The following RNF146 variants were observed in gnomAD, a reference collection of about 807,000 sequenced individuals.
RNF146 encodes ring finger protein 146, also known as E3 ubiquitin-protein ligase RNF146.
RNF146 carries 11 observed loss-of-function variants against 29.7 expected under a neutral mutation model. The observed-to-expected ratio is 0.37, with a 90% confidence interval of 0.23 to 0.61. The LOEUF (loss-of-function observed/expected upper bound fraction) is 0.61, where lower values mean the gene tolerates loss of function less well. Ranked by LOEUF, RNF146 falls within the 20% of genes least tolerant of loss-of-function variation. RNF146 has a pLI of 0.66. For missense variants in RNF146, 342 were observed against 438.9 expected (o/e 0.78, Z 1.97); for synonymous variants, 150 against 159.7 (o/e 0.94, Z 0.46).
rs557432332 is a variant in RNF146, at chr6:127,282,343, T to C, written c.2+2003T>C. 5.3e-5 allele frequency: 8 copies of C among 151,816 alleles called. No homozygotes were observed. The East Asian group carries it at 1.6e-3, about 30-fold the overall frequency. 9.4% of individuals were successfully genotyped at this position (151,816 alleles called of 1,614,324 possible). A position where few individuals can be genotyped will look rare whatever the true frequency, so the allele number is the denominator to read the frequency against. On this transcript the variant is annotated intron_variant, in intron 2 of 2. Transcript: ENST00000368314. ...CCCTTTTGACTGCTCTCTCTACAGG[T>C]TTAATTTGGGCATTTACTCATTTTC... is the stretch of plus-strand genomic sequence containing the variant.
chr6:127,267,735 T>TG (rs1776865776), intron 1 of RNF146, among the ~76,000 whole-genome samples: 1 of 152,196 alleles, frequency 6.6e-6, no homozygotes, highest in Non-Finnish European at 1.5e-5. Flanking sequence ...AATTAAGAGA[T>TG]CTCAGAATAT....
At chr6:127,278,376 C>T (rs1778511959) in intron 1 of RNF146, among the ~76,000 whole-genome samples, 1 of 152,008 alleles carries the variant, frequency 6.6e-6, no homozygotes, top group South Asian at 2.1e-4. Context: ...CACTTTCCTT[C>T]CTTCACTCTC....
In RNF146 at chr6:127,287,006, A is replaced by G. The variant is rs1469653352; in HGVS notation, c.393A>G (p.Lys131=). 1 of 1,613,352 alleles carries G rather than the reference A, an allele frequency of 6.2e-7. No homozygotes were observed. Among genetic ancestry groups the G allele is most frequent in the Admixed American group, 1.7e-5 (1 of 59,892 alleles). ...TSRELEDAFS[K]GKKNTEMLIA... is the part of the protein sequence containing the mutation. ...GAGAGCTGGAAGATGCTTTTTCCAA[A>G]GGTAAAAAGAACACTGAAATGTTAA... Residue 131 remains lysine (K), a synonymous_variant, in exon 3 of 3, where the codon AAA becomes AAG. Transcript: ENST00000368314.
chr6:127,282,094 G>T (rs986522496), intron 2 of RNF146, among the ~76,000 whole-genome samples: 32 of 151,814 alleles, frequency 2.1e-4, no homozygotes, highest in African/African-American at 7.7e-4. Context: ...GCTATTAAGT[G>T]TGTGGGGTTC....
chr6:127,278,719 G>A (rs1277529897), intron 1 of RNF146, among the ~76,000 whole-genome samples: 1 of 151,916 alleles, frequency 6.6e-6, no homozygotes, highest in East Asian at 1.9e-4. Context: ...TTTTGAGGAA[G>A]CAACAAATTA....
chr6:127,275,675 G>C (rs1778108416), intron 1 of RNF146, among the ~76,000 whole-genome samples: 1 of 152,210 alleles, frequency 6.6e-6, no homozygotes, highest in East Asian at 1.9e-4. Flanking sequence ...GGAGAGAACA[G>C]TTAACTTTCT....
intron 1 of RNF146, among the ~76,000 whole-genome samples, chr6:127,272,030 A>C (rs779455713): frequency 2.6e-5 from 4 of 152,174 alleles, no homozygotes; most frequent in Non-Finnish European, 5.9e-5. Flanking sequence ...ATAATACGTG[A>C]CCTTTTCTGT....
At chr6:127,267,154 T>G (rs1197247475) in intron 1 of RNF146, 2 of 152,334 alleles carry the variant, frequency 1.3e-5, no homozygotes, top group African/African-American at 2.4e-5. Flanking sequence ...AGAGGCGGGA[T>G]GGGACAGTTC....
intron 2 of RNF146, among the ~76,000 whole-genome samples, chr6:127,281,619 A>G (rs559614250): frequency 4.6e-5 from 7 of 151,870 alleles, no homozygotes; most frequent in African/African-American, 1.2e-4. Flanking sequence ...AACACATTTT[A>G]GAGGAGTCAG....
intron 1 of RNF146, among the ~76,000 whole-genome samples, chr6:127,277,485 T>C (rs1778368792): frequency 6.6e-6 from 1 of 151,970 alleles, no homozygotes; most frequent in African/African-American, 2.4e-5. Flanking sequence ...GGGACAGAAC[T>C]AATAGAATAT....
At chr6:127,273,596 A>G (rs1777786745) in intron 1 of RNF146, among the ~76,000 whole-genome samples, 1 of 152,130 alleles carries the variant, frequency 6.6e-6, no homozygotes, top group East Asian at 1.9e-4. Context: ...AAAAAACTGT[A>G]TGTATATAAG....
At chr6:127,285,303 G>A (rs1457602795) in intron 2 of RNF146, 2 of 984,884 alleles carry the variant, frequency 2.0e-6, no homozygotes, top group African/African-American at 3.5e-5. Flanking sequence ...GATTGAATGT[G>A]CTGTGATGAT....
rs1202116438 is a variant in RNF146, at chr6:127,286,964, C to T, written c.351C>T (p.Tyr117=). 23 of 1,613,328 alleles carry T rather than the reference C, an allele frequency of 1.4e-5. No individual in the cohort carries two copies. The East Asian group carries it at 2.5e-4, about 17-fold the overall frequency. ...YYEGRNGWWQ[Y]DERTSRELED... Reference sequence around the variant, plus strand: ...AAGGAAGAAATGGGTGGTGGCAGTACGATGAGCGCACTAGTAGAGAGCTGG... The same window carrying T: ...AAGGAAGAAATGGGTGGTGGCAGTATGATGAGCGCACTAGTAGAGAGCTGG... Residue 117 remains tyrosine (Y), a synonymous_variant, in exon 3 of 3, where the codon TAC becomes TAT. Transcript: ENST00000368314. The surrounding 1 kb of genome is among the most constrained non-coding windows in gnomAD (Gnocchi z 4.6).
intron 1 of RNF146, among the ~76,000 whole-genome samples, chr6:127,271,494 G>A (rs976185980): frequency 7.2e-5 from 11 of 152,162 alleles, no homozygotes; most frequent in African/African-American, 2.4e-4. Context: ...TGAATTCATT[G>A]TCTCTATTAA....
At chr6:127,278,100 A>T (rs765334083) in intron 1 of RNF146, among the ~76,000 whole-genome samples, 3 of 152,010 alleles carry the variant, frequency 2.0e-5, no homozygotes, top group Admixed American at 1.3e-4. Context: ...TTACTGTGAG[A>T]TCTATCATTT....
intron 2 of RNF146, chr6:127,285,064 A>G (rs1024170561): frequency 2.8e-6 from 1 of 352,360 alleles, no homozygotes; most frequent in Non-Finnish European, 4.0e-6. Context: ...TGGTAAAGGA[A>G]TTGATTGGAA....
intron 1 of RNF146, among the ~76,000 whole-genome samples, chr6:127,278,145 AAT>A (rs1459446522): frequency 6.6e-6 from 1 of 152,046 alleles, no homozygotes; most frequent in Non-Finnish European, 1.5e-5. Flanking sequence ...TATTCTGTGT[AAT>A]ATGATGTGCG....
In RNF146 at chr6:127,286,759, G is replaced by T. The variant is rs371714080; in HGVS notation, c.146G>T (p.Ser49Ile). 24 of 1,613,234 alleles carry T rather than the reference G, an allele frequency of 1.5e-5. No individual in the cohort carries two copies. The highest frequency in any genetic ancestry group is 1.8e-5 in the Non-Finnish European group (21 of 1,179,572). The change falls in exon 3 of 3, where the codon AGT becomes ATT. Residue 49 changes from serine (S) to isoleucine (I), a missense_variant. Ser to Ile is a moderately radical substitution (Grantham distance 142). Transcript: ENST00000368314. This position sits in a 1 kb window ranked among gnomAD's most constrained non-coding sequence, Gnocchi z 4.6. ...CTGCAAACATGTGTTCATCCAGTCA[G>T]TCTGCCCTGTAAGCACGTTTTCTGC... ...ICLQTCVHPV[S>I]LPCKHVFCYL...
chr6:127,272,235 TTCAC>T (rs1244697822), intron 1 of RNF146, among the ~76,000 whole-genome samples: 12 of 152,244 alleles, frequency 7.9e-5, no homozygotes, highest in African/African-American at 2.9e-4. Flanking sequence ...TTGGTAGTGT[TTCAC>T]TAACTAATAT....
Sources: gnomAD v4.1 joint callset for allele counts (sites outside exome capture counted in the v4.1 genomes callset) on GRCh38, gnomAD v4.1.1 for gene constraint, Gnocchi (gnomAD v3.1) non-coding constraint, MANE v1.5 for transcripts, NCBI Gene and HGNC (gene_info 2026-07-23, HGNC 2026-07-21) for gene names.